The following PBX3 variants were observed in gnomAD, a reference collection of about 807,000 sequenced individuals.
PBX3 encodes pre-B-cell leukemia transcription factor 3.
Under a neutral mutation model 48.5 loss-of-function variants are expected in PBX3, and 14 were observed. The ratio of observed to expected loss-of-function variants is 0.29; its 90% CI spans 0.19 to 0.45. The LOEUF is 0.45. Ranked by LOEUF, PBX3 falls within the 20% of genes least tolerant of loss-of-function variation. The pLI, the probability that PBX3 is intolerant of heterozygous loss-of-function variation, is 1.00. For synonymous variants in PBX3, 210 were observed against 200.3 expected (o/e 1.05, Z -0.41); for missense variants, 386 against 546.7 (o/e 0.71, Z 2.93).
chr9:125,889,924 C>T (rs894174468), intron 2 of PBX3, among the ~76,000 whole-genome samples: 1 of 150,384 alleles, frequency 6.6e-6, no homozygotes, highest in Non-Finnish European at 1.5e-5. Flanking sequence ...GCAGAGCGCC[C>T]TGAGCGGTCC....
At chr9:125,867,597 A>C (rs1312962760) in intron 2 of PBX3, among the ~76,000 whole-genome samples, 1 of 145,230 alleles carries the variant, frequency 6.9e-6, no homozygotes, top group East Asian at 2.1e-4. Context: ...CCGAGATGGC[A>C]CCACTGCACT....
At chr9:125,932,220 A>T (rs527763769) in intron 4 of PBX3, among the ~76,000 whole-genome samples, 5 of 152,254 alleles carry the variant, frequency 3.3e-5, no homozygotes, top group African/African-American at 1.2e-4. Context: ...TACTTGTTGG[A>T]TCTAGTGAGA....
intron 2 of PBX3, chr9:125,843,675 A>C: frequency 2.9e-6 from 1 of 343,832 alleles, no homozygotes; most frequent in Non-Finnish European, 6.0e-6. Flanking sequence ...GAGAACTTTT[A>C]AAAATAAGTA....
At chr9:125,916,259 A>G (rs1841331485) in intron 3 of PBX3, among the ~76,000 whole-genome samples, 1 of 152,184 alleles carries the variant, frequency 6.6e-6, no homozygotes, top group Admixed American at 6.5e-5. Context: ...ATTAACATTT[A>G]TGCACTAGCC....
At chr9:125,961,683 C>G (rs1482863397) in intron 6 of PBX3, among the ~76,000 whole-genome samples, 5 of 151,986 alleles carry the variant, frequency 3.3e-5, no homozygotes, top group African/African-American at 1.2e-4. Flanking sequence ...ATATGCATAG[C>G]GAAGAAAGAG....
intron 2 of PBX3, among the ~76,000 whole-genome samples, chr9:125,911,511 TAACAGAA>T (rs1841202731): frequency 6.6e-6 from 1 of 152,122 alleles, no homozygotes; most frequent in Admixed American, 6.6e-5. Context: ...ATTATAAGAA[TAACAGAA>T]AACATTAATA....
chr9:125,781,107 C>T (rs1260226052), intron 2 of PBX3, among the ~76,000 whole-genome samples: 32 of 150,840 alleles, frequency 2.1e-4, no homozygotes, highest in African/African-American at 7.6e-4. Flanking sequence ...TCCTCACTTC[C>T]CAGACGGGGT....
chr9:125,820,066 G>A (rs1838603367), intron 2 of PBX3, among the ~76,000 whole-genome samples: 3 of 152,190 alleles, frequency 2.0e-5, no homozygotes, highest in Non-Finnish European at 4.4e-5. Context: ...ATAAATGGGT[G>A]CATGAAAACG....
intron 2 of PBX3, among the ~76,000 whole-genome samples, chr9:125,842,461 A>G (rs1340039242): frequency 6.6e-6 from 1 of 152,160 alleles, no homozygotes; most frequent in Non-Finnish European, 1.5e-5. Flanking sequence ...AAATCTGCAC[A>G]CCCAGTGTTT....
intron 2 of PBX3, among the ~76,000 whole-genome samples, chr9:125,814,380 A>G (rs984000027): frequency 5.3e-5 from 8 of 152,092 alleles, no homozygotes; most frequent in Non-Finnish European, 7.4e-5. Context: ...GTAAAACTGT[A>G]GAATGAGACA....
intron 2 of PBX3, among the ~76,000 whole-genome samples, chr9:125,765,831 G>A (rs890040973): frequency 1.3e-5 from 2 of 152,160 alleles, no homozygotes; most frequent in African/African-American, 4.8e-5. Context: ...TGGGAAAAAA[G>A]AAGAGTTTGT....
intron 2 of PBX3, among the ~76,000 whole-genome samples, chr9:125,835,100 C>T (rs539639817): frequency 5.5e-4 from 74 of 135,338 alleles, no homozygotes; most frequent in Non-Finnish European, 9.1e-4. Context: ...ATACAGATAA[C>T]TCTTAAATGT....
chr9:125,929,889 T>C (rs1185212199), intron 4 of PBX3, 44 bp downstream of exon 4: 1 of 1,412,888 alleles, frequency 7.1e-7, no homozygotes, highest in African/African-American at 1.4e-5. Context: ...CCCCCGTCTG[T>C]CACTCCTTGT....
rs1588120890 is a variant in PBX3, at chr9:125,759,032, G to A, written c.274+10409G>A. ...GTGAGTGACACCCCAGGCTGTCTTT[G>A]CTTCAGAGGTGGCAGCAGAACTACT... is the stretch of plus-strand genomic sequence containing the variant. On this transcript the variant is annotated intron_variant, in intron 2 of 8. Coordinates refer to ENST00000373489, the MANE Select transcript of PBX3 (RefSeq NM_006195.6). The surrounding 1 kb of genome is among the most constrained non-coding windows in gnomAD (Gnocchi z 4.2). Among the ~76,000 whole-genome samples the A allele has an allele frequency of 6.6e-6, 1 of 152,146 alleles. No homozygotes were observed. The highest frequency in any genetic ancestry group is 1.9e-4 in the East Asian group (1 of 5,200).
chr9:125,815,693 GGTGTGTGTGTGTGT>G, intron 2 of PBX3, among the ~76,000 whole-genome samples: 1 of 149,590 alleles, frequency 6.7e-6, no homozygotes, highest in South Asian at 2.1e-4. Context: ...GCAGTGACTG[GGTGTGTGTGTGTGT>G]GTGTGTGTGT....
chr9:125,919,968 T>C (rs1841422365), intron 3 of PBX3, among the ~76,000 whole-genome samples: 1 of 152,202 alleles, frequency 6.6e-6, no homozygotes, highest in African/African-American at 2.4e-5. Context: ...TTTTATCATA[T>C]GTCTCTATTA....
intron 2 of PBX3, among the ~76,000 whole-genome samples, chr9:125,777,881 TTC>T (rs1363456737): frequency 6.6e-6 from 1 of 152,196 alleles, no homozygotes; most frequent in Non-Finnish European, 1.5e-5. Flanking sequence ...ATTTGTATAA[TTC>T]TCTCATAATC....
intron 2 of PBX3, among the ~76,000 whole-genome samples, chr9:125,785,941 C>T (rs1365177857): frequency 1.4e-5 from 2 of 145,660 alleles, no homozygotes; most frequent in African/African-American, 5.1e-5. Flanking sequence ...TGTTTAAAGT[C>T]GCTTTTTTTT....
At chr9:125,859,922 T>TG (rs1419484431) in intron 2 of PBX3, among the ~76,000 whole-genome samples, 2 of 152,230 alleles carry the variant, frequency 1.3e-5, no homozygotes, top group Non-Finnish European at 2.9e-5. Flanking sequence ...GGTGCTCAAA[T>TG]GGAAGTAGCT....
Sources: gnomAD v4.1 joint callset for allele counts (sites outside exome capture counted in the v4.1 genomes callset) on GRCh38, gnomAD v4.1.1 for gene constraint, Gnocchi (gnomAD v3.1) non-coding constraint, MANE v1.5 for transcripts, NCBI Gene and HGNC (gene_info 2026-07-23, HGNC 2026-07-21) for gene names.